The following CACNB2 variants were observed in gnomAD, a reference collection of about 807,000 sequenced individuals.
CACNB2 encodes calcium voltage-gated channel auxiliary subunit beta 2, also known as voltage-dependent L-type calcium channel subunit beta-2.
A neutral mutation model predicts 73.3 loss-of-function variants in CACNB2; 42 were observed. That is an observed-to-expected ratio of 0.57 (90% CI 0.45 to 0.74). The LOEUF is 0.74. CACNB2 is among the 30% of genes least tolerant of loss of function. The pLI is 0.00. For synonymous variants in CACNB2, 348 were observed against 310.3 expected, an observed-to-expected ratio of 1.12 and a Z score of -1.28; for missense variants, 940 against 853.0, an observed-to-expected ratio of 1.10 and a Z score of -1.27.
intron 2 of CACNB2, among the ~76,000 whole-genome samples, chr10:18,196,585 T>C (rs1359579358): frequency 1.3e-5 from 2 of 152,186 alleles, no homozygotes; most frequent in East Asian, 3.8e-4. Flanking sequence ...CCCGAAGTGA[T>C]GGGATTACAG....
chr10:18,429,651 A>G (rs1363444221), intron 3 of CACNB2, among the ~76,000 whole-genome samples: 3 of 137,748 alleles, frequency 2.2e-5, no homozygotes. Flanking sequence ...ACATAGCAAG[A>G]CTCCGTCTCT....
chr10:18,150,880 T>TTTTTTTTTTTTTG lies in CACNB2; in HGVS notation c.121-3_121-2insTTTTTTTTTTTTG. 1.5e-6 allele frequency: 2 copies of TTTTTTTTTTTTTG among 1,300,364 alleles called. No homozygotes were observed. The highest frequency in any genetic ancestry group is 2.1e-6 in the Non-Finnish European group (2 of 943,296). 80.6% of individuals were successfully genotyped at this position (1,300,364 alleles called of 1,614,324 possible). A position where few individuals can be genotyped will look rare whatever the true frequency, so the allele number is the denominator to read the frequency against. ...CTTTTTTTTTTTTTTTTTTTTTTTTTAGTCATATGGAAAAGGAGCCAGAAG... is the reference window on the plus strand; with the variant it reads ...CTTTTTTTTTTTTTTTTTTTTTTTTTTTTTTTTTTTTTGAGTCATATGGAAAAGGAGCCAGAAG... On this transcript the variant is annotated splice_polypyrimidine_tract_variant and splice_region_variant and intron_variant, in intron 1 of 13. Coordinates refer to ENST00000324631, the MANE Select transcript of CACNB2 (RefSeq NM_201596.3).
At chr10:18,386,234 C>A (rs897727641) in intron 2 of CACNB2, among the ~76,000 whole-genome samples, 2 of 151,974 alleles carry the variant, frequency 1.3e-5, no homozygotes, top group African/African-American at 4.8e-5. Flanking sequence ...GTCTCTCCTT[C>A]CCCTGCTTTT....
rs146030804 is a variant in CACNB2 at position 18,163,216 on chromosome 10, G to A, written c.213+12241G>A. Reference sequence around the variant, plus strand: ...TAGTGAGTACTTTATTTGATCATTTGCACAACTCAGTGAGATGGATGATGT... The same window carrying A: ...TAGTGAGTACTTTATTTGATCATTTACACAACTCAGTGAGATGGATGATGT... On this transcript the variant is annotated intron_variant, in intron 2 of 13. Coordinates refer to ENST00000324631, the MANE Select transcript of CACNB2 (RefSeq NM_201596.3). Among the ~76,000 whole-genome samples the A allele has an allele frequency of 3.3e-5, 5 of 152,324 alleles. No individual in the cohort carries two copies. The East Asian group carries it at 9.6e-4, about 29-fold the overall frequency.
chr10:18,474,104 G>T (rs2048323210), intron 3 of CACNB2, among the ~76,000 whole-genome samples: 1 of 152,188 alleles, frequency 6.6e-6, no homozygotes, highest in Admixed American at 6.5e-5. Flanking sequence ...CATAGAAAAT[G>T]GGCCTTCTGA....
intron 2 of CACNB2, among the ~76,000 whole-genome samples, chr10:18,306,533 C>G (rs1414218234): frequency 2.0e-5 from 3 of 151,918 alleles, no homozygotes; most frequent in Non-Finnish European, 4.4e-5. Flanking sequence ...GTGAGAGAGG[C>G]AGAAGAAGGA....
chr10:18,200,951 A>T (rs2034851200), intron 2 of CACNB2, among the ~76,000 whole-genome samples: 1 of 152,214 alleles, frequency 6.6e-6, no homozygotes, highest in Non-Finnish European at 1.5e-5. Flanking sequence ...ATTTACCTCC[A>T]TGACATCTAT....
chr10:18,343,561 T>C (rs1438064459), intron 2 of CACNB2, among the ~76,000 whole-genome samples: 1 of 152,214 alleles, frequency 6.6e-6, no homozygotes, highest in Non-Finnish European at 1.5e-5. Flanking sequence ...AATATAATTA[T>C]ATGGATGGCT....
rs544393519 is a variant in CACNB2, at chr10:18,151,123, A to G, written c.213+148A>G. The G allele has an allele frequency of 7.5e-4, 475 of 631,240 alleles. 1 individual carries two copies. The highest frequency in any genetic ancestry group is 1.2e-3 in the Non-Finnish European group (442 of 357,060). 39.1% of individuals were successfully genotyped at this position (631,240 alleles called of 1,614,324 possible). On this transcript the variant is annotated intron_variant, in intron 2 of 13. Coordinates refer to ENST00000324631, the MANE Select transcript of CACNB2 (RefSeq NM_201596.3). ...GAAGACGGTGCTGTTTAATGTCATAATTAAAATATTTTAATCTTAAGTGAG... is the reference window on the plus strand; with the variant it reads ...GAAGACGGTGCTGTTTAATGTCATAGTTAAAATATTTTAATCTTAAGTGAG...
chr10:18,356,947 T>TTTTTTC (rs1564464257), intron 2 of CACNB2, among the ~76,000 whole-genome samples: 44 of 90,238 alleles, frequency 4.9e-4, no homozygotes, highest in Admixed American at 7.2e-4. Flanking sequence ...AATTTCTTTT[T>TTTTTTC]TTTTTTTTTT....
At chr10:18,236,921 T>TG (rs1473500903) in intron 2 of CACNB2, among the ~76,000 whole-genome samples, 1 of 152,176 alleles carries the variant, frequency 6.6e-6, no homozygotes. Context: ...GCTAGGAAGC[T>TG]GGGGATATTC....
intron 2 of CACNB2, among the ~76,000 whole-genome samples, chr10:18,379,052 TTC>T (rs1465182507): frequency 3.3e-5 from 5 of 152,166 alleles, no homozygotes; most frequent in Non-Finnish European, 7.4e-5. Context: ...AGAGAATTTC[TTC>T]TGTGTGTCAG....
intron 3 of CACNB2, among the ~76,000 whole-genome samples, chr10:18,414,311 T>C (rs1476369251): frequency 6.6e-6 from 1 of 152,216 alleles, no homozygotes; most frequent in Non-Finnish European, 1.5e-5. Context: ...TCACAGGCTC[T>C]TTTCTGAGTA....
chr10:18,447,072 T>A (rs577608153), intron 3 of CACNB2, among the ~76,000 whole-genome samples: 3,561 of 150,596 alleles, frequency 0.024, 131 homozygotes, highest in African/African-American at 0.081. Flanking sequence ...AAAAAAAAAA[T>A]AAATAAATAA....
At chr10:18,309,750 C>T (rs984785808) in intron 2 of CACNB2, among the ~76,000 whole-genome samples, 1 of 152,166 alleles carries the variant, frequency 6.6e-6, no homozygotes, top group Admixed American at 6.5e-5. Flanking sequence ...AGCCACCTCG[C>T]CCAGCCCAGA....
chr10:18,312,871 T>A (rs780345161), intron 2 of CACNB2, among the ~76,000 whole-genome samples: 9 of 152,190 alleles, frequency 5.9e-5, no homozygotes, highest in Non-Finnish European at 8.8e-5. Flanking sequence ...TTGACTTTTT[T>A]AGCCACATTT....
intron 2 of CACNB2, among the ~76,000 whole-genome samples, chr10:18,337,634 A>G (rs1341042856): frequency 6.6e-6 from 1 of 152,136 alleles, no homozygotes; most frequent in African/African-American, 2.4e-5. Context: ...AAAACATATT[A>G]CTGATAAAGT....
intron 3 of CACNB2, among the ~76,000 whole-genome samples, chr10:18,470,862 C>G (rs933042862): frequency 1.3e-5 from 2 of 152,146 alleles, no homozygotes; most frequent in Non-Finnish European, 2.9e-5. Context: ...GGAACTCACC[C>G]TGGTCACAGA....
At chr10:18,260,086 T>C (rs2037469447) in intron 2 of CACNB2, among the ~76,000 whole-genome samples, 2 of 152,204 alleles carry the variant, frequency 1.3e-5, no homozygotes, top group African/African-American at 4.8e-5. Context: ...GATCAATATC[T>C]GTGACACACT....
Sources: gnomAD v4.1 joint callset for allele counts (sites outside exome capture counted in the v4.1 genomes callset) on GRCh38, gnomAD v4.1.1 for gene constraint, MANE v1.5 for transcripts, NCBI Gene and HGNC (gene_info 2026-07-23, HGNC 2026-07-21) for gene names.